Variants in ZNF718 observed in about 807,000 individuals in gnomAD.
ZNF718 encodes zinc finger protein 718.
Under a neutral mutation model 2.6 loss-of-function variants are expected in ZNF718, and 3 were observed. The ratio of observed to expected loss-of-function variants is 1.16; its 90% CI spans 0.53 to 3.01. The LOEUF (loss-of-function observed/expected upper bound fraction) is 3.01, where lower values mean the gene tolerates loss of function less well. ZNF718 is among the 30% of genes most tolerant of loss of function. The pLI, the probability that ZNF718 is intolerant of heterozygous loss-of-function variation, is 0.03. For missense variants in ZNF718, 468 were observed against 230.0 expected, an observed-to-expected ratio of 2.03 and a Z score of -6.69; for synonymous variants, 135 against 77.9, an observed-to-expected ratio of 1.73 and a Z score of -3.86.
At chr4:168,157 G>T (rs977269840), downstream of ZNF718, among the ~76,000 whole-genome samples, 1 of 152,118 alleles carries the variant, frequency 6.6e-6, no homozygotes. Flanking sequence ...TACGTTTATT[G>T]ATTTTCATAT....
downstream of ZNF718, among the ~76,000 whole-genome samples, chr4:165,729 G>A (rs1553816683): frequency 3.3e-5 from 5 of 152,210 alleles, no homozygotes; most frequent in Non-Finnish European, 5.9e-5. Context: ...AACCCGGGAG[G>A]TGGAGGTTGC....
rs1021644900 is a variant in ZNF718, at chr4:162,449, A to T, written c.*327A>T. ...TATACTTGAGAAAAATTGTACAAAT[A>T]TAGAAAATGTAGAAAAGCCATTAAT... On this transcript the variant is annotated 3_prime_UTR_variant, in exon 4 of 4. Coordinates refer to ENST00000510175, the MANE Select transcript of ZNF718 (RefSeq NM_001039127.6). 6.6e-5 allele frequency: 13 copies of T among 196,732 alleles called. No individual in the cohort carries two copies. Among genetic ancestry groups the T allele is most frequent in the Non-Finnish European group, 1.1e-4 (11 of 97,138 alleles). The allele number at this position is 196,732 out of a possible 1,614,324, so 12.2% of individuals were successfully genotyped here. A position where few individuals can be genotyped will look rare whatever the true frequency, so the allele number is the denominator to read the frequency against.
At chr4:181,047 A>G (rs1312458088) in intron 3 of ZNF718, among the ~76,000 whole-genome samples, 3 of 151,670 alleles carry the variant, frequency 2.0e-5, no homozygotes, top group African/African-American at 7.3e-5. Flanking sequence ...TTGTTTTGAG[A>G]CAGGGTCTCT....
At chr4:193,505 T>G (rs1717734394) in intron 3 of ZNF718, among the ~76,000 whole-genome samples, 1 of 152,164 alleles carries the variant, frequency 6.6e-6, no homozygotes. Flanking sequence ...TGCTAGGATG[T>G]CTCTCCCTAA....
downstream of ZNF718, among the ~76,000 whole-genome samples, chr4:165,586 G>C (rs1717067380): frequency 6.6e-6 from 1 of 152,176 alleles, no homozygotes. Flanking sequence ...ATAACCTGAG[G>C]TCAGGAGTTC....
chr4:177,125 C>A (rs1316282946), intron 3 of ZNF718, among the ~76,000 whole-genome samples: 2 of 152,186 alleles, frequency 1.3e-5, no homozygotes, highest in Non-Finnish European at 2.9e-5. Flanking sequence ...TATCTAATTT[C>A]CTTCCACAAT....
intron 3 of ZNF718, among the ~76,000 whole-genome samples, chr4:147,325 G>A (rs1398862701): frequency 6.6e-6 from 1 of 152,212 alleles, no homozygotes; most frequent in Admixed American, 6.5e-5. Context: ...CATTAAGGAT[G>A]TCCTTGCGTC....
At chr4:173,473 C>CTT (rs1717280997) in intron 3 of ZNF718, among the ~76,000 whole-genome samples, 1 of 152,168 alleles carries the variant, frequency 6.6e-6, no homozygotes. Context: ...AACCTCAGCT[C>CTT]AGCAGTCAGA....
chr4:133,675 C>G (rs933384618), intron 3 of ZNF718, among the ~76,000 whole-genome samples: 2 of 152,122 alleles, frequency 1.3e-5, no homozygotes, highest in Non-Finnish European at 2.9e-5. Flanking sequence ...GAATTTAATA[C>G]AAGAGTTATG....
In ZNF718 at chr4:152,409, GC is replaced by G. The variant is rs1190935653; in HGVS notation, c.227-8501del. On this transcript the variant is annotated intron_variant, in intron 3 of 3. Coordinates refer to ENST00000510175, the MANE Select transcript of ZNF718 (RefSeq NM_001039127.6). ...GCTTTCCTAGGCAGAGGTCCCTGCGGCCTTCCGCAGTTTTTGTGTCCCTGGG... is the reference window on the plus strand; with the variant it reads ...GCTTTCCTAGGCAGAGGTCCCTGCGGCTTCCGCAGTTTTTGTGTCCCTGGG... 6.8e-5 allele frequency among the ~76,000 whole-genome samples: 8 copies of G among 116,964 alleles called. No individual in the cohort carries two copies. In the Admixed American group the frequency reaches 7.5e-4, roughly 11 times the overall value. 76.7% of individuals were successfully genotyped at this position (116,964 alleles called of 152,430 possible).
At chr4:144,287 T>G (rs1715950363) in intron 3 of ZNF718, among the ~76,000 whole-genome samples, 1 of 152,236 alleles carries the variant, frequency 6.6e-6, no homozygotes, top group African/African-American at 2.4e-5. Flanking sequence ...AGAACCCGGA[T>G]ACTTTCTAGC....
Position 163,637 on chromosome 4 carries a change from T to G in ZNF718, c.*1515T>G, listed in dbSNP as rs1717003838. 6.6e-6 allele frequency: 1 copy of G among 152,158 alleles called. No individual in the cohort carries two copies. Among genetic ancestry groups the G allele is most frequent in the Non-Finnish European group, 1.5e-5 (1 of 68,038 alleles). The allele number at this position is 152,158 out of a possible 1,614,324, so 9.4% of individuals were successfully genotyped here. A position where few individuals can be genotyped will look rare whatever the true frequency, so the allele number is the denominator to read the frequency against. On this transcript the variant is annotated 3_prime_UTR_variant, in exon 4 of 4. Transcript: ENST00000510175. ...ATCTTGAATTTTAGTAATAAATTGC[T>G]TTTACCAGTTGCACATTTATGTAAT... is the stretch of plus-strand genomic sequence containing the variant.
At chr4:144,421 G>A (rs1677512690) in intron 3 of ZNF718, among the ~76,000 whole-genome samples, 1 of 152,136 alleles carries the variant, frequency 6.6e-6, no homozygotes, top group African/African-American at 2.4e-5. Context: ...TAGCTCTGTT[G>A]TATCATTTAA....
chr4:178,010 C>G (rs1222095385), intron 3 of ZNF718, among the ~76,000 whole-genome samples: 2 of 152,046 alleles, frequency 1.3e-5, no homozygotes, highest in African/African-American at 4.8e-5. Context: ...CCTGAAACAC[C>G]CCTTAAGACA....
chr4:191,841 A>G (rs1177576378), intron 3 of ZNF718, among the ~76,000 whole-genome samples: 2 of 152,178 alleles, frequency 1.3e-5, no homozygotes, highest in African/African-American at 2.4e-5. Flanking sequence ...CGCTCCCAAG[A>G]TGGTGGCAAG....
rs782260404 is a variant in ZNF718 at position 124,667 on chromosome 4, G to C, written c.-4G>C. 6.2e-6 allele frequency: 10 copies of C among 1,609,124 alleles called. No individual in the cohort carries two copies. The highest frequency in any genetic ancestry group is 8.5e-6 in the Non-Finnish European group (10 of 1,179,766). ...AGACTCTGGGACACTCCTGAAGTCG[G>C]GAAATGGTGAGTGTGCAGGGCAGGG... On this transcript the variant is annotated 5_prime_UTR_variant, in exon 1 of 4. Coordinates refer to ENST00000510175, the MANE Select transcript of ZNF718 (RefSeq NM_001039127.6).
intron 3 of ZNF718, among the ~76,000 whole-genome samples, chr4:187,894 C>T (rs1051957105): frequency 6.6e-6 from 1 of 152,226 alleles, no homozygotes; most frequent in African/African-American, 2.4e-5. Flanking sequence ...CTGGGCACCC[C>T]CATCCCAGGG....
At chr4:149,024 T>G (rs1716197662) in intron 3 of ZNF718, among the ~76,000 whole-genome samples, 3 of 152,214 alleles carry the variant, frequency 2.0e-5, no homozygotes, top group Non-Finnish European at 4.4e-5. Context: ...CATGGATTTC[T>G]AAGTTTTCAT....
At chr4:179,961 GAA>G (rs1425262077) in intron 3 of ZNF718, among the ~76,000 whole-genome samples, 1 of 150,970 alleles carries the variant, frequency 6.6e-6, no homozygotes, top group African/African-American at 2.4e-5. Context: ...AATGAAGAAA[GAA>G]AGAACAAAAG....
Sources: gnomAD v4.1 joint callset for allele counts (sites outside exome capture counted in the v4.1 genomes callset) on GRCh38, gnomAD v4.1.1 for gene constraint, MANE v1.5 for transcripts, NCBI Gene and HGNC (gene_info 2026-07-23, HGNC 2026-07-21) for gene names.